SEMA5A: variants seen among roughly 807,000 people sequenced by gnomAD.
SEMA5A encodes semaphorin-5A.
Under a neutral mutation model 135.5 loss-of-function variants are expected in SEMA5A, and 55 were observed. The observed-to-expected ratio is 0.41, with a 90% CI of 0.33 to 0.51. The LOEUF (loss-of-function observed/expected upper bound fraction) is 0.51, where lower values mean the gene tolerates loss of function less well. SEMA5A is among the 20% of genes least tolerant of loss of function. The pLI is 0.37. For synonymous variants in SEMA5A, 580 were observed against 546.5 expected (o/e 1.06, Z -0.85); for missense variants, 1,290 against 1,419.9 (o/e 0.91, Z 1.47).
At chr5:9,219,939 G>A (rs1478465623) in intron 8 of SEMA5A, among the ~76,000 whole-genome samples, 6 of 152,150 alleles carry the variant, frequency 3.9e-5, no homozygotes, top group African/African-American at 1.4e-4. Flanking sequence ...CTCAGTAGGC[G>A]GGCATGGTGT....
chr5:9,121,491 A>C (rs1460832520), intron 14 of SEMA5A, among the ~76,000 whole-genome samples: 1 of 152,234 alleles, frequency 6.6e-6, no homozygotes, highest in East Asian at 1.9e-4. Flanking sequence ...TCGATAAATA[A>C]GTTATAGCAA....
chr5:9,066,744 C>T (rs1031939661), intron 16 of SEMA5A, 98 bp from the exon 17 acceptor site: 4 of 989,032 alleles, frequency 4.0e-6, no homozygotes, highest in Non-Finnish European at 6.2e-6. Context: ...GTCTCTAAAA[C>T]ACCAGCTCCT....
chr5:9,143,510 A>AAGCATATG (rs1742174220), intron 12 of SEMA5A, among the ~76,000 whole-genome samples: 1 of 152,222 alleles, frequency 6.6e-6, no homozygotes, highest in Non-Finnish European at 1.5e-5. Context: ...TAAGCATACT[A>AAGCATATG]AGCATATGTT....
intron 2 of SEMA5A, among the ~76,000 whole-genome samples, chr5:9,427,319 A>G (rs1198544243): frequency 2.6e-5 from 4 of 152,174 alleles, no homozygotes; most frequent in African/African-American, 9.7e-5. Context: ...CGGGGGGGAA[A>G]AAGATGAAAT....
chr5:9,360,534 G>A (rs1489019192), intron 3 of SEMA5A, among the ~76,000 whole-genome samples: 1 of 152,074 alleles, frequency 6.6e-6, no homozygotes, highest in Non-Finnish European at 1.5e-5. Flanking sequence ...CAACACGATA[G>A]CTTACAAAAG....
chr5:9,368,036 C>A (rs1754988834), intron 3 of SEMA5A, among the ~76,000 whole-genome samples: 1 of 152,172 alleles, frequency 6.6e-6, no homozygotes, highest in Non-Finnish European at 1.5e-5. Flanking sequence ...GTCAAATAAA[C>A]CTCTTGTCTT....
At chr5:9,417,481 C>T (rs1757320961) in intron 2 of SEMA5A, among the ~76,000 whole-genome samples, 1 of 152,184 alleles carries the variant, frequency 6.6e-6, no homozygotes, top group Admixed American at 6.5e-5. Context: ...AGTGAATAGA[C>T]CAGTCCTCAG....
intron 5 of SEMA5A, among the ~76,000 whole-genome samples, chr5:9,298,573 C>T (rs2150603801): frequency 6.6e-6 from 1 of 152,244 alleles, no homozygotes; most frequent in Middle Eastern, 3.4e-3. Context: ...AAAGTTCTCT[C>T]CTAAATAAAC....
At chr5:9,084,698 C>T in intron 16 of SEMA5A, among the ~76,000 whole-genome samples, 1 of 152,090 alleles carries the variant, frequency 6.6e-6, no homozygotes, top group East Asian at 1.9e-4. Context: ...ATGTCTTTAT[C>T]AGCAGTGTGA....
At chr5:9,377,170 A>T (rs1316773932) in intron 3 of SEMA5A, among the ~76,000 whole-genome samples, 2 of 152,136 alleles carry the variant, frequency 1.3e-5, no homozygotes, top group East Asian at 3.9e-4. Flanking sequence ...GCTCCAGCAT[A>T]TATCATTAGG....
At chr5:9,171,800 A>G (rs1743938072) in intron 11 of SEMA5A, among the ~76,000 whole-genome samples, 3 of 152,200 alleles carry the variant, frequency 2.0e-5, no homozygotes, top group Admixed American at 2.0e-4. Context: ...CAAGAGTCAG[A>G]AGACCTGGAG....
At chr5:9,424,955 C>T (rs1757592151) in intron 2 of SEMA5A, among the ~76,000 whole-genome samples, 1 of 152,198 alleles carries the variant, frequency 6.6e-6, no homozygotes, top group Admixed American at 6.5e-5. Flanking sequence ...CAGTGGTGAC[C>T]TTGATAATAT....
intron 1 of SEMA5A, among the ~76,000 whole-genome samples, chr5:9,521,869 A>C (rs461321): frequency 0.34 from 51,601 of 151,942 alleles, 8,961 homozygotes; most frequent in East Asian, 0.41. Context: ...TAGACACCTT[A>C]CAGGGAGGAG....
Position 9,502,481 on chromosome 5 carries a change from C to CAA in SEMA5A, c.-175+43101_-175+43102dup, listed in dbSNP as rs1199566757. On this transcript the variant is annotated intron_variant, in intron 1 of 22. Transcript: ENST00000382496. ...CATGACAAGACTGACAGTATCCCAG[C>CAA]AAAAACTTAGGCCAGAGATAGCAGA... Among the ~76,000 whole-genome samples, 6 of 152,276 alleles carry CAA rather than the reference C, an allele frequency of 3.9e-5. No individual in the cohort carries two copies. In the South Asian group the frequency reaches 1.2e-3, roughly 32 times the overall value.
At chr5:9,125,004 A>T (rs140829953) in intron 13 of SEMA5A, among the ~76,000 whole-genome samples, 4 of 152,334 alleles carry the variant, frequency 2.6e-5, no homozygotes, top group Admixed American at 2.6e-4. Flanking sequence ...CGGGTTACAA[A>T]CTATACCCAT....
At chr5:9,169,446 T>C (rs377493415) in intron 11 of SEMA5A, among the ~76,000 whole-genome samples, 3 of 152,224 alleles carry the variant, frequency 2.0e-5, no homozygotes, top group South Asian at 4.1e-4. Context: ...TTTGTTCAGA[T>C]AGTTGGATGA....
At chr5:9,436,346 C>T (rs1034322122) in intron 2 of SEMA5A, among the ~76,000 whole-genome samples, 1 of 152,160 alleles carries the variant, frequency 6.6e-6, no homozygotes, top group Non-Finnish European at 1.5e-5. Context: ...CGGGAGGTTC[C>T]GGTTAAGACA....
At chr5:9,341,042 A>G (rs994229026) in intron 3 of SEMA5A, among the ~76,000 whole-genome samples, 1 of 152,096 alleles carries the variant, frequency 6.6e-6, no homozygotes, top group East Asian at 1.9e-4. Context: ...CCCTCTGCCT[A>G]TATGTACATC....
intron 9 of SEMA5A, among the ~76,000 whole-genome samples, chr5:9,199,545 G>C (rs1053929510): frequency 1.3e-5 from 2 of 152,166 alleles, no homozygotes; most frequent in Non-Finnish European, 2.9e-5. Flanking sequence ...AGAATGAGAA[G>C]GCTTAAAGCT....
Sources: gnomAD v4.1 joint callset for allele counts (sites outside exome capture counted in the v4.1 genomes callset) on GRCh38, gnomAD v4.1.1 for gene constraint, MANE v1.5 for transcripts, NCBI Gene and HGNC (gene_info 2026-07-23, HGNC 2026-07-21) for gene names.